The following ADAM15 variants were observed in gnomAD, a reference collection of about 807,000 sequenced individuals.
ADAM15 encodes ADAM metallopeptidase domain 15, also known as disintegrin and metalloproteinase domain-containing protein 15.
In ADAM15, 77 loss-of-function variants were observed where a neutral mutation model predicts 113.8. That is an observed-to-expected ratio of 0.68 (90% CI 0.56 to 0.82). ADAM15 has a LOEUF of 0.82. Among genes scored for constraint, ADAM15 ranks in the 40% least tolerant of loss-of-function variants. The pLI is 0.00. For missense variants in ADAM15, 963 were observed against 1,120.1 expected (o/e 0.86, Z 2.00); for synonymous variants, 388 against 454.1 (o/e 0.85, Z 1.85).
rs764410317 is a variant in ADAM15 at position 155,060,309 on chromosome 1, C to T, written c.2173C>T (p.Leu725Phe). The change falls in exon 18 of 23, where the codon CTC (leucine) becomes TTC (phenylalanine). Residue 725 changes from leucine to phenylalanine, a missense_variant. Coordinates refer to ENST00000356955, the MANE Select transcript of ADAM15 (RefSeq NM_207197.3). ...GTACCGTGCCCGCCTGCACCAGCGA[C>T]TCTGCCAGCTCAAGGGACCCACCTG... ...YWYRARLHQR[L>F]CQLKGPTCQY... 1 of 1,614,132 alleles carries T rather than the reference C, an allele frequency of 6.2e-7. No homozygotes were observed. The highest frequency in any genetic ancestry group is 1.1e-5 in the South Asian group (1 of 91,086).
In ADAM15 at chr1:155,056,563, C is replaced by A; in HGVS notation, c.999+93C>A. 5 of 1,302,466 alleles carry A rather than the reference C, an allele frequency of 3.8e-6. No individual in the cohort carries two copies. Among genetic ancestry groups the A allele is most frequent in the Non-Finnish European group, 5.4e-6 (5 of 923,952 alleles). 80.7% of individuals were successfully genotyped at this position (1,302,466 alleles called of 1,614,324 possible). The stretch of plus-strand genomic sequence containing the variant: ...ACTGAAACCCCCCTATAAAGTTGCC[C>A]AACCCCAAAGCTACAGGTATAGAGG... On this transcript the variant is annotated intron_variant, in intron 10 of 22. Coordinates refer to ENST00000356955, the MANE Select transcript of ADAM15 (RefSeq NM_207197.3). The surrounding 1 kb of genome is among the most constrained non-coding windows in gnomAD (Gnocchi z 4.0).
chr1:155,060,631 C>A (rs944767845), intron 18 of ADAM15, 132 bp from the exon 19 acceptor site: 2 of 1,055,822 alleles, frequency 1.9e-6, no homozygotes. Context: ...CCCCCCACCC[C>A]GGCCCTACCA....
Position 155,057,139 on chromosome 1 carries a change from G to C in ADAM15, c.1148+38G>C. On this transcript the variant is annotated intron_variant, in intron 11 of 22. Coordinates refer to ENST00000356955, the MANE Select transcript of ADAM15 (RefSeq NM_207197.3). The surrounding 1 kb of genome is among the most constrained non-coding windows in gnomAD (Gnocchi z 5.0). ...AGGATGGAGAGAGGGTGTGGGGCAG[G>C]GGGCAGGGAGAGGCCCCCAGCCCCA... The C allele has an allele frequency of 1.3e-6, 2 of 1,584,520 alleles. No homozygotes were observed. Among genetic ancestry groups the C allele is most frequent in the East Asian group, 2.2e-5 (1 of 44,490 alleles).
chr1:155,051,507 G>C, intron 1 of ADAM15, 42 bp downstream of exon 1: 1 of 1,483,728 alleles, frequency 6.7e-7, no homozygotes, highest in East Asian at 2.8e-5. Context: ...CGGACTGGGA[G>C]GGAGGTGCAG....
rs778993044 is a variant in ADAM15 at position 155,055,784 on chromosome 1, T to C, written c.613-6T>C. On this transcript the variant is annotated splice_region_variant and splice_polypyrimidine_tract_variant and intron_variant, in intron 6 of 22. Transcript: ENST00000356955. ...TTTGCCTGATAATTCTTCTTGTCCATAGTAGAGGCGGGATGTGGTAACAGA... is the reference window on the plus strand; with the variant it reads ...TTTGCCTGATAATTCTTCTTGTCCACAGTAGAGGCGGGATGTGGTAACAGA... 5 of 1,614,158 alleles carry C rather than the reference T, an allele frequency of 3.1e-6. No homozygotes were observed. Among genetic ancestry groups the C allele is most frequent in the Non-Finnish European group, 4.2e-6 (5 of 1,180,020 alleles).
Position 155,055,819 on chromosome 1 carries a change from T to G in ADAM15, c.642T>G (p.Thr214=). 6.2e-7 allele frequency: 1 copy of G among 1,614,222 alleles called. No homozygotes were observed. Among genetic ancestry groups the G allele is most frequent in the Non-Finnish European group, 8.5e-7 (1 of 1,180,042 alleles). The change falls in exon 7 of 23, where the codon ACT becomes ACG. Residue 214 remains threonine (T), a synonymous_variant. Coordinates refer to ENST00000356955, the MANE Select transcript of ADAM15 (RefSeq NM_207197.3). ...RRRDVVTETK[T]VELVIVADHS... ...GGGATGTGGTAACAGAGACCAAGAC[T>G]GTGGAGTTGGTGATTGTGGCTGATC... is the stretch of plus-strand genomic sequence containing the variant.
chr1:155,060,062 C>T, intron 17 of ADAM15, 88 bp downstream of exon 17: 1 of 1,578,558 alleles, frequency 6.3e-7, no homozygotes, highest in Non-Finnish European at 8.7e-7. Context: ...TTTCTGACCC[C>T]CCTTTGCTGC....
Position 155,055,173 on chromosome 1 carries a change from C to T in ADAM15, c.613-617C>T. The stretch of plus-strand genomic sequence containing the variant: ...TAGATGTAAAGTGCTTAAAACTATG[C>T]CAGACCTATGGTAAGTGACAAGAGT... On this transcript the variant is annotated intron_variant, in intron 6 of 22. Transcript: ENST00000356955. Among the ~76,000 whole-genome samples the T allele has an allele frequency of 1.3e-5, 2 of 151,884 alleles. 1 individual carries two copies.
chr1:155,062,204 A>AC lies in ADAM15; in HGVS notation c.2425-34dup, dbSNP rs111294050. 3.4e-4 allele frequency: 483 copies of AC among 1,439,870 alleles called. 3 individuals are homozygous for AC. The highest frequency in any genetic ancestry group is 2.3e-3 in the African/African-American group (155 of 68,110). The allele number at this position is 1,439,870 out of a possible 1,614,324, so 89.2% of individuals were successfully genotyped here. On this transcript the variant is annotated intron_variant, in intron 21 of 22. Coordinates refer to ENST00000356955, the MANE Select transcript of ADAM15 (RefSeq NM_207197.3). This position sits in a 1 kb window ranked among gnomAD's most constrained non-coding sequence, Gnocchi z 7.0. ...GTGCGTTGGGGGTGGGCAACATGAC[A>AC]CCCCCCCACCTAAGCCGGCCTCCTG...
At position 155,055,829 on chromosome 1, in the gene ADAM15, G is replaced by C; in HGVS notation, c.652G>C (p.Val218Leu). Residue 218 changes from valine to leucine, a missense_variant, in exon 7 of 23, where the codon GTG (valine) becomes CTG (leucine). By Grantham distance (32) the Val-to-Leu change is conservative. Coordinates refer to ENST00000356955, the MANE Select transcript of ADAM15 (RefSeq NM_207197.3). ...AACAGAGACCAAGACTGTGGAGTTG[G>C]TGATTGTGGCTGATCACTCGGAGGT... is the stretch of plus-strand genomic sequence containing the variant. ...VVTETKTVELVIVADHSEAQK... is the reference protein window; with the variant it reads ...VVTETKTVELLIVADHSEAQK... 1.2e-6 allele frequency: 2 copies of C among 1,614,210 alleles called. No individual in the cohort carries two copies. The highest frequency in any genetic ancestry group is 1.3e-5 in the African/African-American group (1 of 75,050).
chr1:155,062,262 G>A lies in ADAM15; in HGVS notation c.2442G>A (p.Lys814=), dbSNP rs1390431058. 6.9e-7 allele frequency: 1 copy of A among 1,458,726 alleles called. No homozygotes were observed. The highest frequency in any genetic ancestry group is 9.1e-7 in the Non-Finnish European group (1 of 1,103,454). 90.4% of individuals were successfully genotyped at this position (1,458,726 alleles called of 1,614,324 possible). A position where few individuals can be genotyped will look rare whatever the true frequency, so the allele number is the denominator to read the frequency against. Residue 814 remains lysine (K), a synonymous_variant, in exon 22 of 23, where the codon AAG becomes AAA. Transcript: ENST00000356955. This position sits in a 1 kb window ranked among gnomAD's most constrained non-coding sequence, Gnocchi z 7.0. ...VRSPKSQGPA[K]PPPPRKPLPA... ...TCCCTCAGTCTCAGGGGCCAGCCAA[G>A]CCCCCACCCCCAAGGAAGCCACTGC...
At position 155,052,704 on chromosome 1, in the gene ADAM15, AG is replaced by A. The variant is rs773970204; in HGVS notation, c.115del (p.Ala39ProfsTer31). 1 of 1,611,386 alleles carries A rather than the reference AG, an allele frequency of 6.2e-7. No homozygotes were observed. On this transcript the variant is annotated frameshift_variant, in exon 2 of 23. Transcript: ENST00000356955. LOFTEE classifies it high-confidence loss of function. ...GTEEQQAESE[K>X]APREPLEPQV... ...GAGGAGCAGCAGGCAGAGTCAGAGAAGGCCCCGAGGGAGCCCTTGGAGCCCC... is the reference window on the plus strand; with the variant it reads ...GAGGAGCAGCAGGCAGAGTCAGAGAAGCCCCGAGGGAGCCCTTGGAGCCCC...
Position 155,061,459 on chromosome 1 carries a change from G to C in ADAM15, c.2322G>C (p.Leu774=), listed in dbSNP as rs781066808. 3 of 1,613,518 alleles carry C rather than the reference G, an allele frequency of 1.9e-6. No homozygotes were observed. Among genetic ancestry groups the C allele is most frequent in the Admixed American group, 1.7e-5 (1 of 59,954 alleles). Residue 774 remains leucine (L), a synonymous_variant, in exon 20 of 23, where the codon CTG becomes CTC. Transcript: ENST00000356955. ...LSFPAPPSRP[L]PPDPVSKRLQ... ...TCCCGGCCCCCCCTTCCAGGCCGCTGCCGCCTGACCCTGTGTCCAAGAGAC... is the reference window on the plus strand; with the variant it reads ...TCCCGGCCCCCCCTTCCAGGCCGCTCCCGCCTGACCCTGTGTCCAAGAGAC...
intron 17 of ADAM15, 89 bp downstream of exon 17, chr1:155,060,063 C>G: frequency 6.3e-7 from 1 of 1,579,008 alleles, no homozygotes; most frequent in Non-Finnish European, 8.7e-7. Context: ...TTCTGACCCC[C>G]CTTTGCTGCT....
Position 155,062,715 on chromosome 1 carries a change from A to C in ADAM15, c.*213A>C. The C allele has an allele frequency of 1.6e-6, 1 of 635,918 alleles. No individual in the cohort carries two copies. Among genetic ancestry groups the C allele is most frequent in the Admixed American group, 2.9e-5 (1 of 34,072 alleles). The allele number at this position is 635,918 out of a possible 1,614,324, so 39.4% of individuals were successfully genotyped here. A position where few individuals can be genotyped will look rare whatever the true frequency, so the allele number is the denominator to read the frequency against. On this transcript the variant is annotated 3_prime_UTR_variant, in exon 23 of 23. Coordinates refer to ENST00000356955, the MANE Select transcript of ADAM15 (RefSeq NM_207197.3). This position sits in a 1 kb window ranked among gnomAD's most constrained non-coding sequence, Gnocchi z 7.0. ...AGGGGCTGGGGGTTGGACGGGATTG[A>C]GGAAGGTCCGCACAGCCTGTCTCTG... is the stretch of plus-strand genomic sequence containing the variant.
chr1:155,060,930 G>A (rs577325920), intron 19 of ADAM15, 98 bp downstream of exon 19: 208 of 1,177,862 alleles, frequency 1.8e-4, no homozygotes, highest in Middle Eastern at 8.0e-4. Context: ...CTCAGAGAAA[G>A]GCTAGCACTG....
In ADAM15 at chr1:155,054,427, C is replaced by T. The variant is rs1467088416; in HGVS notation, c.533C>T (p.Thr178Ile). Residue 178 changes from threonine to isoleucine, a missense_variant, in exon 6 of 23, where the codon ACC (threonine) becomes ATC (isoleucine). Thr to Ile is a moderately conservative substitution (Grantham distance 89, BLOSUM62 -1). Coordinates refer to ENST00000356955, the MANE Select transcript of ADAM15 (RefSeq NM_207197.3). Reference protein sequence around the residue: ...RIQDLHLPGHTCALSWRESVH... With the variant: ...RIQDLHLPGHICALSWRESVH... The stretch of plus-strand genomic sequence containing the variant: ...CAAGATCTCCACCTGCCAGGCCACA[C>T]CTGTGCCCTGAGCTGGCGGGAATCT... 1.2e-6 allele frequency: 2 copies of T among 1,613,926 alleles called. No individual in the cohort carries two copies. Among genetic ancestry groups the T allele is most frequent in the Admixed American group, 3.3e-5 (2 of 59,984 alleles).
Position 155,058,370 on chromosome 1 carries a change from C to T in ADAM15, c.1846C>T (p.His616Tyr). 1.2e-6 allele frequency: 2 copies of T among 1,613,962 alleles called. No individual in the cohort carries two copies. Among genetic ancestry groups the T allele is most frequent in the South Asian group, 1.1e-5 (1 of 91,092 alleles). Residue 616 changes from histidine (H) to tyrosine (Y), a missense_variant, in exon 15 of 23, where the codon CAC becomes TAC. Transcript: ENST00000356955. This position sits in a 1 kb window ranked among gnomAD's most constrained non-coding sequence, Gnocchi z 4.3. ...GACTGAGCTGAACTGCAGCTGGGTG[C>T]ACCTGGACCTGGGCAGTGATGTGGC... is the stretch of plus-strand genomic sequence containing the variant. ...NGTELNCSWV[H>Y]LDLGSDVAQP...
chr1:155,052,237 A>C, intron 1 of ADAM15: 2 of 486,194 alleles, frequency 4.1e-6, no homozygotes, highest in Non-Finnish European at 7.5e-6. Context: ...CTGCTCACCC[A>C]GAAATGGGCG....
Sources: allele counts gnomAD v4.1 joint callset (sites outside exome capture counted in the v4.1 genomes callset), GRCh38; gene constraint gnomAD v4.1.1; non-coding constraint Gnocchi (gnomAD v3.1); transcripts MANE v1.5; gene names NCBI Gene and HGNC (gene_info 2026-07-23, HGNC 2026-07-21).